The following RPL23A variants were observed in gnomAD, a reference collection of about 807,000 sequenced individuals.
RPL23A encodes large ribosomal subunit protein uL23.
RPL23A carries 2 observed loss-of-function variants against 17.6 expected under a neutral mutation model. The ratio of observed to expected loss-of-function variants is 0.11; its 90% CI spans 0.05 to 0.36. The LOEUF is 0.36. Among genes scored for constraint, RPL23A ranks in the 10% least tolerant of loss-of-function variants. The pLI is 1.00. For missense variants in RPL23A, 132 were observed against 194.4 expected (o/e 0.68, Z 1.91); for synonymous variants, 65 against 74.3 (o/e 0.87, Z 0.65).
intron 4 of RPL23A, 70 bp from the exon 5 acceptor site, chr17:28,723,797 T>C: frequency 1.3e-6 from 2 of 1,499,076 alleles, no homozygotes; most frequent in South Asian, 1.1e-5. Flanking sequence ...CATTTTGCTT[T>C]CTAAAAATAA....
intron 1 of RPL23A, 92 bp from the exon 2 acceptor site, chr17:28,720,615 A>G (rs376723696): frequency 7.0e-7 from 1 of 1,424,290 alleles, no homozygotes; most frequent in Non-Finnish European, 9.9e-7. Context: ...CCACTGATGC[A>G]CCTGTGGCCA....
Position 28,724,018 on chromosome 17 carries a change from G to C in RPL23A, c.*137G>C. ...ATGACAGGGCTTGGGCAAGACTCCT[G>C]TTCTACTTATCCTTTTGAAATACCT... On this transcript the variant is annotated 3_prime_UTR_variant, in exon 5 of 5. Coordinates refer to ENST00000422514, the MANE Select transcript of RPL23A (RefSeq NM_000984.6). The C allele has an allele frequency of 1.7e-6, 1 of 603,842 alleles. No individual in the cohort carries two copies. The highest frequency in any genetic ancestry group is 2.8e-6 in the Non-Finnish European group (1 of 352,576). 37.4% of individuals were successfully genotyped at this position (603,842 alleles called of 1,614,324 possible). A position where few individuals can be genotyped will look rare whatever the true frequency, so the allele number is the denominator to read the frequency against.
intron 2 of RPL23A, among the ~76,000 whole-genome samples, chr17:28,722,227 C>T (rs908898509): frequency 3.6e-5 from 5 of 138,208 alleles, no homozygotes; most frequent in African/African-American, 7.9e-5. Context: ...CCAGCCTGGG[C>T]GAAGCGAGAC....
rs779873845 is a variant in RPL23A, at chr17:28,722,704, C to G, written c.210-19C>G. The stretch of plus-strand genomic sequence containing the variant: ...AAAGAATGGGCCCAGGCCAGGTGAC[C>G]CCATTTTGCCTCTCCCAGGCTTGAC... On this transcript the variant is annotated intron_variant, in intron 2 of 4. Coordinates refer to ENST00000422514, the MANE Select transcript of RPL23A (RefSeq NM_000984.6). The G allele has an allele frequency of 7.4e-6, 12 of 1,613,058 alleles. No homozygotes were observed. The highest frequency in any genetic ancestry group is 9.3e-6 in the Non-Finnish European group (11 of 1,179,168).
Position 28,723,995 on chromosome 17 carries a change from G to C in RPL23A, c.*114G>C. On this transcript the variant is annotated 3_prime_UTR_variant, in exon 5 of 5. Coordinates refer to ENST00000422514, the MANE Select transcript of RPL23A (RefSeq NM_000984.6). ...GGAGGCCACACACACACACTGACAT[G>C]ACAGGGCTTGGGCAAGACTCCTGTT... 1 of 703,748 alleles carries C rather than the reference G, an allele frequency of 1.4e-6. No individual in the cohort carries two copies. Among genetic ancestry groups the C allele is most frequent in the Middle Eastern group, 3.9e-4 (1 of 2,556 alleles). 43.6% of individuals were successfully genotyped at this position (703,748 alleles called of 1,614,324 possible). A position where few individuals can be genotyped will look rare whatever the true frequency, so the allele number is the denominator to read the frequency against.
chr17:28,720,770 A>C lies in RPL23A; in HGVS notation c.89A>C (p.Lys30Thr), dbSNP rs746357319. 1 of 1,612,972 alleles carries C rather than the reference A, an allele frequency of 6.2e-7. No homozygotes were observed. The highest frequency in any genetic ancestry group is 8.5e-7 in the Non-Finnish European group (1 of 1,178,920). ...KALKAKKAVL[K>T]GVHSHKKKKI... ...TTAAAGGCCAAGAAGGCAGTGTTGA[A>C]AGGTGTCCACAGCCACAAAAAGAAG... Residue 30 changes from lysine (K) to threonine (T), a missense_variant, in exon 2 of 5, where the codon AAA (lysine) becomes ACA (threonine). Around this residue, in one of 2 missense-constraint regions of RPL23A, gnomAD observed 63 missense variants for 48.9 expected, o/e 1.29. Coordinates refer to ENST00000422514, the MANE Select transcript of RPL23A (RefSeq NM_000984.6).
chr17:28,722,928 A>G lies in RPL23A; in HGVS notation c.386+29A>G, dbSNP rs774965976. The G allele has an allele frequency of 5.6e-6, 9 of 1,601,878 alleles. 1 individual carries two copies. The South Asian group carries it at 9.9e-5, about 18-fold the overall frequency. On this transcript the variant is annotated intron_variant, in intron 3 of 4. Transcript: ENST00000422514. ...AGTTGGGCCTCAAGGGATGGGGAGC[A>G]GGCTGGACCAGCAGTCTGGAGCCAA... is the stretch of plus-strand genomic sequence containing the variant.
intron 1 of RPL23A, 80 bp from the exon 2 acceptor site, chr17:28,720,627 G>C (rs748999046): frequency 1.7e-5 from 25 of 1,474,898 alleles, no homozygotes; most frequent in Non-Finnish European, 2.3e-5. Flanking sequence ...CTGTGGCCAG[G>C]GTGGCCCACT....
intron 1 of RPL23A, 184 bp from the exon 2 acceptor site, chr17:28,720,523 G>A: frequency 6.6e-7 from 1 of 1,507,116 alleles, no homozygotes; most frequent in Non-Finnish European, 9.2e-7. Context: ...GAGTTACTTA[G>A]AGTTGGTCGC....
chr17:28,724,274 C>T lies in RPL23A; in HGVS notation c.*393C>T, dbSNP rs1049364686. On this transcript the variant is annotated 3_prime_UTR_variant, in exon 5 of 5. Coordinates refer to ENST00000422514, the MANE Select transcript of RPL23A (RefSeq NM_000984.6). ...GGCTGGCTCTCTGGTAGCATTTTGT[C>T]CTCACACACCCATCTACTATGTCCA... 5.5e-5 allele frequency: 32 copies of T among 583,236 alleles called. No homozygotes were observed. The highest frequency in any genetic ancestry group is 5.4e-4 in the African/African-American group (29 of 54,162). 36.1% of individuals were successfully genotyped at this position (583,236 alleles called of 1,614,324 possible).
intron 2 of RPL23A, chr17:28,721,941 T>C (rs1414166912): frequency 6.6e-6 from 1 of 152,142 alleles, no homozygotes; most frequent in African/African-American, 2.4e-5. Context: ...ACCTCACCTA[T>C]GCATAAGAAT....
At chr17:28,720,305 T>C in intron 1 of RPL23A, 1 of 1,550,456 alleles carries the variant, frequency 6.4e-7, no homozygotes, top group Non-Finnish European at 8.7e-7. Flanking sequence ...CATCCACTGG[T>C]TGGAGCTCCA....
rs1174058138 is a variant in RPL23A at position 28,720,034 on chromosome 17, T to C, written c.25+4T>C. The C allele has an allele frequency of 1.7e-5, 27 of 1,551,560 alleles. No individual in the cohort carries two copies. The highest frequency in any genetic ancestry group is 2.4e-5 in the Non-Finnish European group (27 of 1,147,010). ...GCGCCGAAAGCGAAGAAGGAAGGTG[T>C]GTGTTGGTGATGGGGCCGCAGCTGG... On this transcript the variant is annotated splice_donor_region_variant and intron_variant, in intron 1 of 4. Coordinates refer to ENST00000422514, the MANE Select transcript of RPL23A (RefSeq NM_000984.6).
At chr17:28,720,243 C>A in intron 1 of RPL23A, 1 of 1,540,234 alleles carries the variant, frequency 6.5e-7, no homozygotes, top group South Asian at 1.2e-5. Flanking sequence ...GGCAACGCGG[C>A]AGGCATCATC....
intron 2 of RPL23A, chr17:28,722,495 C>T (rs2034133439): frequency 1.5e-6 from 1 of 676,156 alleles, no homozygotes; most frequent in Admixed American, 1.8e-5. Flanking sequence ...ATTCTTTAAT[C>T]ACTTGAGGTT....
chr17:28,721,037 C>T, intron 2 of RPL23A, 147 bp downstream of exon 2: 1 of 743,962 alleles, frequency 1.3e-6, no homozygotes. Context: ...ATTGTTTCTG[C>T]TGCATTTACA....
chr17:28,720,149 C>G lies in RPL23A; in HGVS notation c.25+119C>G, dbSNP rs1333434640. Reference sequence around the variant, plus strand: ...GAGGGCTCTGCTCCGGGGCTGCTCCCTGCGTTTCGGACACGCTGCAGTATA... The same window carrying G: ...GAGGGCTCTGCTCCGGGGCTGCTCCGTGCGTTTCGGACACGCTGCAGTATA... On this transcript the variant is annotated intron_variant, in intron 1 of 4. Coordinates refer to ENST00000422514, the MANE Select transcript of RPL23A (RefSeq NM_000984.6). The G allele has an allele frequency of 5.2e-6, 8 of 1,529,718 alleles. No individual in the cohort carries two copies. The East Asian group carries it at 1.7e-4, about 33-fold the overall frequency. 94.8% of individuals were successfully genotyped at this position (1,529,718 alleles called of 1,614,324 possible). A position where few individuals can be genotyped will look rare whatever the true frequency, so the allele number is the denominator to read the frequency against.
At chr17:28,722,523 GAA>G in intron 2 of RPL23A, 198 bp from the exon 3 acceptor site, 1 of 737,138 alleles carries the variant, frequency 1.4e-6, no homozygotes, top group Non-Finnish European at 2.5e-6. Flanking sequence ...CCCTTCAAGA[GAA>G]AGAAAATGCA....
At chr17:28,723,481 C>G (rs545657776) in intron 3 of RPL23A, 90 bp from the exon 4 acceptor site, 22 of 890,568 alleles carry the variant, frequency 2.5e-5, no homozygotes, top group Non-Finnish European at 4.0e-5. Context: ...AACAAAGGAA[C>G]CACTGAAGTG....
Sources: gnomAD v4.1 joint callset for allele counts (sites outside exome capture counted in the v4.1 genomes callset) on GRCh38, gnomAD v4.1.1 for gene constraint, gnomAD v4.1.1 regional missense constraint, MANE v1.5 for transcripts, NCBI Gene and HGNC (gene_info 2026-07-23, HGNC 2026-07-21) for gene names.